Variants in MACROD1 observed in about 807,000 individuals in gnomAD.
MACROD1 encodes the protein ADP-ribose glycohydrolase MACROD1.
A neutral mutation model predicts 41.4 loss-of-function variants in MACROD1; 31 were observed. The observed-to-expected ratio is 0.75, with a 90% CI of 0.56 to 1.01. The LOEUF is 1.01. MACROD1 is among the 50% of genes least tolerant of loss of function. The pLI is 0.00. For missense variants in MACROD1, 473 were observed against 460.0 expected, an observed-to-expected ratio of 1.03 and a Z score of -0.26; for synonymous variants, 252 against 203.4, an observed-to-expected ratio of 1.24 and a Z score of -2.03.
chr11:64,019,890 G>C (rs986443507), intron 3 of MACROD1, among the ~76,000 whole-genome samples: 2 of 152,122 alleles, frequency 1.3e-5, no homozygotes, highest in South Asian at 4.1e-4. Context: ...GAAAGGCATG[G>C]AGGGAGGGGC....
intron 3 of MACROD1, among the ~76,000 whole-genome samples, chr11:64,026,348 TC>T (rs1943224100): frequency 6.6e-6 from 1 of 152,092 alleles, no homozygotes; most frequent in Admixed American, 6.6e-5. Flanking sequence ...TGTTTAATGT[TC>T]CATGGTGGAA....
intron 3 of MACROD1, among the ~76,000 whole-genome samples, chr11:64,020,599 A>G (rs1049636121): frequency 6.6e-6 from 1 of 151,844 alleles, no homozygotes. Flanking sequence ...AGACTCTGCC[A>G]TGGCCCCTCT....
intron 3 of MACROD1, among the ~76,000 whole-genome samples, chr11:64,026,455 C>T (rs915839115): frequency 1.3e-4 from 20 of 152,194 alleles, no homozygotes; most frequent in East Asian, 5.8e-4. Context: ...CATCTTTACA[C>T]GCCCCATGCA....
intron 3 of MACROD1, among the ~76,000 whole-genome samples, chr11:64,137,025 C>T (rs927925013): frequency 1.3e-5 from 2 of 152,210 alleles, no homozygotes; most frequent in African/African-American, 2.4e-5. Context: ...TAAGGCGAGA[C>T]GAATCTCCAG....
rs545254663 is a variant in MACROD1, at chr11:64,160,690, C to A, written c.298+5007G>T. 2.0e-5 allele frequency among the ~76,000 whole-genome samples: 3 copies of A among 151,864 alleles called. No individual in the cohort carries two copies. In the East Asian group the frequency reaches 5.8e-4, roughly 29 times the overall value. On this transcript the variant is annotated intron_variant, in intron 1 of 10. Transcript: ENST00000255681. ...CATTAGCCAGGCATGGTGGCACATG[C>A]CTATAGTCCCAGCTACTCAGGAGGC...
chr11:63,999,926 A>C (rs2134317021), intron 5 of MACROD1, 163 bp from the exon 6 acceptor site: 1 of 772,620 alleles, frequency 1.3e-6, no homozygotes, highest in Non-Finnish European at 2.0e-6. Flanking sequence ...CTCGAGCCCG[A>C]ATCCGCACGC....
chr11:64,006,853 G>A (rs1942921114), intron 4 of MACROD1, among the ~76,000 whole-genome samples: 1 of 152,202 alleles, frequency 6.6e-6, no homozygotes, highest in African/African-American at 2.4e-5. Flanking sequence ...CCCATAGGGC[G>A]GGGTGAGGGT....
intron 3 of MACROD1, among the ~76,000 whole-genome samples, chr11:64,107,721 GCT>G (rs1470285201): frequency 1.3e-5 from 2 of 152,242 alleles, no homozygotes; most frequent in Non-Finnish European, 2.9e-5. Context: ...GGTGTGGCTG[GCT>G]GGCACCCTGC....
intron 3 of MACROD1, chr11:64,103,427 C>T (rs1042441475): frequency 1.3e-5 from 2 of 152,206 alleles, no homozygotes; most frequent in Non-Finnish European, 2.9e-5. Flanking sequence ...CCATGAACAT[C>T]TGAACTCCTC....
In MACROD1 at chr11:64,122,056, T is replaced by A. The variant is rs746062802; in HGVS notation, c.517+29183A>T. 1.6e-4 allele frequency among the ~76,000 whole-genome samples: 25 copies of A among 152,022 alleles called. No homozygotes were observed. Among genetic ancestry groups the A allele is most frequent in the Non-Finnish European group, 2.1e-4 (14 of 68,016 alleles). Reference sequence around the variant, plus strand: ...CCGGGAATCATTTGCATTTTGCGAATGAGGCCTCTTGTAAGCTCAGCTCAG... The same window carrying A: ...CCGGGAATCATTTGCATTTTGCGAAAGAGGCCTCTTGTAAGCTCAGCTCAG... On this transcript the variant is annotated intron_variant, in intron 3 of 10. Coordinates refer to ENST00000255681, the MANE Select transcript of MACROD1 (RefSeq NM_014067.4). The surrounding 1 kb of genome is among the most constrained non-coding windows in gnomAD (Gnocchi z 4.0).
chr11:64,030,467 G>A (rs753115569), intron 3 of MACROD1, among the ~76,000 whole-genome samples: 4 of 152,150 alleles, frequency 2.6e-5, no homozygotes, highest in African/African-American at 4.8e-5. Context: ...AAATAGGCCC[G>A]GCTGTGCCCT....
intron 3 of MACROD1, among the ~76,000 whole-genome samples, chr11:64,075,969 C>T (rs1028137967): frequency 9.2e-5 from 14 of 152,346 alleles, no homozygotes; most frequent in Admixed American, 7.8e-4. Flanking sequence ...CCACTGTGCC[C>T]GGCCTGGCCC....
At chr11:64,086,913 G>C (rs544147196) in intron 3 of MACROD1, 1 of 152,184 alleles carries the variant, frequency 6.6e-6, no homozygotes, top group Non-Finnish European at 1.5e-5. Flanking sequence ...TGTCCTGGCA[G>C]GAGCTGTCAC....
At chr11:64,084,172 C>T (rs1944353303) in intron 3 of MACROD1, among the ~76,000 whole-genome samples, 1 of 152,146 alleles carries the variant, frequency 6.6e-6, no homozygotes, top group African/African-American at 2.4e-5. Context: ...CTTCTGCAGT[C>T]CTGGAGGATG....
At chr11:64,144,845 G>A (rs1325018342) in intron 3 of MACROD1, among the ~76,000 whole-genome samples, 9 of 152,250 alleles carry the variant, frequency 5.9e-5, no homozygotes, top group Admixed American at 5.2e-4. Context: ...AGCGATTTAC[G>A]GCGACAGTTC....
rs371414522 is a variant in MACROD1 at position 64,165,676 on chromosome 11, C to T, written c.298+21G>A. The T allele has an allele frequency of 3.8e-5, 53 of 1,390,812 alleles. No homozygotes were observed. In the African/African-American group the frequency reaches 7.6e-4, roughly 20 times the overall value. 86.2% of individuals were successfully genotyped at this position (1,390,812 alleles called of 1,614,324 possible). On this transcript the variant is annotated intron_variant, in intron 1 of 10. Transcript: ENST00000255681. ...ACGTGAGGCCGCCCTCTCCCTCGCG[C>T]CCCCTCGTGCTTACACTTACATTTC...
chr11:64,129,431 G>A (rs535358648), intron 3 of MACROD1, among the ~76,000 whole-genome samples: 24 of 152,206 alleles, frequency 1.6e-4, no homozygotes, highest in Non-Finnish European at 3.1e-4. Context: ...CAACCCTACG[G>A]CTGTGACGGA....
intron 3 of MACROD1, among the ~76,000 whole-genome samples, chr11:64,038,476 C>G (rs547886224): frequency 6.6e-6 from 1 of 152,142 alleles, no homozygotes; most frequent in East Asian, 1.9e-4. Flanking sequence ...CTTGACCCTG[C>G]GGGTGTTGAG....
chr11:64,149,516 C>T (rs1423587245), intron 3 of MACROD1, among the ~76,000 whole-genome samples: 3 of 152,206 alleles, frequency 2.0e-5, no homozygotes, highest in Non-Finnish European at 1.5e-5. Context: ...GCCCACAGCC[C>T]GGGTGCAGCC....
Sources: allele counts gnomAD v4.1 joint callset (sites outside exome capture counted in the v4.1 genomes callset), GRCh38; gene constraint gnomAD v4.1.1; non-coding constraint Gnocchi (gnomAD v3.1); transcripts MANE v1.5; gene names NCBI Gene and HGNC (gene_info 2026-07-23, HGNC 2026-07-21).